Variants in KCNU1 observed in about 807,000 individuals in gnomAD.
KCNU1 encodes potassium channel subfamily U member 1.
In KCNU1, 93 loss-of-function variants were observed where a neutral mutation model predicts 126.8. That is an observed-to-expected ratio of 0.73 (90% CI 0.62 to 0.87). KCNU1 has a LOEUF of 0.87. KCNU1 is among the 40% of genes least tolerant of loss of function. KCNU1 has a pLI of 0.00. For synonymous variants in KCNU1, 523 were observed against 494.2 expected (o/e 1.06, Z -0.77); for missense variants, 1,330 against 1,367.1 (o/e 0.97, Z 0.43).
intron 15 of KCNU1, 146 bp downstream of exon 15, chr8:36,840,721 A>T: frequency 1.5e-6 from 1 of 685,712 alleles, no homozygotes; most frequent in Non-Finnish European, 2.5e-6. Context: ...TTAGAAGTTT[A>T]CAGTTGGGAT....
intron 24 of KCNU1, among the ~76,000 whole-genome samples, chr8:36,926,361 G>C (rs948302928): frequency 1.3e-5 from 2 of 152,058 alleles, no homozygotes; most frequent in African/African-American, 4.8e-5. Flanking sequence ...ATTTTAGAGG[G>C]CTCCTTCCCT....
At chr8:36,925,833 G>A (rs546193667) in intron 24 of KCNU1, among the ~76,000 whole-genome samples, 20 of 152,150 alleles carry the variant, frequency 1.3e-4, no homozygotes, top group Admixed American at 1.2e-3. Context: ...TTTATTCTCC[G>A]TATGTGCTGG....
At chr8:36,882,311 T>C (rs930746270) in intron 19 of KCNU1, among the ~76,000 whole-genome samples, 2 of 152,188 alleles carry the variant, frequency 1.3e-5, no homozygotes, top group Non-Finnish European at 2.9e-5. Flanking sequence ...TCCTTTTCAT[T>C]TGAGATCTCA....
chr8:36,831,973 A>C (rs558268568), intron 10 of KCNU1, among the ~76,000 whole-genome samples: 38 of 152,344 alleles, frequency 2.5e-4, no homozygotes, highest in African/African-American at 8.2e-4. Flanking sequence ...TCAGCTTTCT[A>C]CATATGGCTA....
chr8:36,847,822 T>C (rs1392018906), intron 18 of KCNU1, among the ~76,000 whole-genome samples: 1 of 152,224 alleles, frequency 6.6e-6, no homozygotes, highest in African/African-American at 2.4e-5. Flanking sequence ...TTTTTATAGA[T>C]ACACAGTAGT....
intron 19 of KCNU1, among the ~76,000 whole-genome samples, chr8:36,865,140 A>C (rs1805859351): frequency 6.6e-6 from 1 of 152,164 alleles, no homozygotes; most frequent in African/African-American, 2.4e-5. Flanking sequence ...GATGATTAAA[A>C]ACTGTGATTA....
intron 10 of KCNU1, among the ~76,000 whole-genome samples, chr8:36,826,212 T>C (rs1320113413): frequency 3.3e-5 from 5 of 151,588 alleles, no homozygotes; most frequent in Admixed American, 1.3e-4. Context: ...ATTTATTTTA[T>C]TTTATTTTAT....
chr8:36,836,366 G>T lies in KCNU1; in HGVS notation c.1365+1G>T, dbSNP rs754075360. The T allele has an allele frequency of 3.2e-6, 5 of 1,576,596 alleles. No homozygotes were observed. Among genetic ancestry groups the T allele is most frequent in the Admixed American group, 1.7e-5 (1 of 59,888 alleles). On this transcript the variant is annotated splice_donor_variant, in intron 13 of 26. Transcript: ENST00000399881. LOFTEE classifies it high-confidence loss of function. ...ACAGATACTGCAATCCCATAACAAG[G>T]TATAGTAACATTCTAGCATATTCCA...
rs144109450 is a variant in KCNU1, at chr8:36,836,831, C to A, written c.1404C>A (p.Thr468=). Residue 468 remains threonine (T), a synonymous_variant, in exon 14 of 27, where the codon ACC becomes ACA. Coordinates refer to ENST00000399881, the MANE Select transcript of KCNU1 (RefSeq NM_001031836.3). ...LPKIPSWNWD[T]GDNIICFAEL... is the part of the protein sequence containing the mutation. ...AGATTCCCAGCTGGAACTGGGACAC[C>A]GGAGACAACATCATCTGCTTTGCTG... 1.9e-6 allele frequency: 3 copies of A among 1,613,554 alleles called. No homozygotes were observed. Among genetic ancestry groups the A allele is most frequent in the African/African-American group, 2.7e-5 (2 of 74,880 alleles).
chr8:36,918,391 A>T (rs1304011917), intron 22 of KCNU1, among the ~76,000 whole-genome samples: 4 of 144,686 alleles, frequency 2.8e-5, no homozygotes, highest in South Asian at 2.2e-4. Flanking sequence ...AGATAAAAAT[A>T]AAAAAAAAAA....
intron 26 of KCNU1, 81 bp from the exon 27 acceptor site, chr8:36,935,434 G>A (rs1307991377): frequency 8.9e-7 from 1 of 1,118,834 alleles, no homozygotes; most frequent in Admixed American, 2.3e-5. Context: ...CCAGCAAAAT[G>A]ACCTCTTTAT....
At chr8:36,900,366 C>T (rs1347644453) in intron 19 of KCNU1, among the ~76,000 whole-genome samples, 1 of 152,036 alleles carries the variant, frequency 6.6e-6, no homozygotes, top group Non-Finnish European at 1.5e-5. Flanking sequence ...TTAAATTTCC[C>T]TCCAAGGTAA....
At chr8:36,888,402 CCA>C in intron 19 of KCNU1, 1 of 372,262 alleles carries the variant, frequency 2.7e-6, no homozygotes, top group Admixed American at 3.7e-5. Context: ...CCCCACAACA[CCA>C]CTCTGGCTGC....
Position 36,794,618 on chromosome 8 carries a change from C to T in KCNU1, c.315+7193C>T, listed in dbSNP as rs948484748. Among the ~76,000 whole-genome samples, 8 of 152,180 alleles carry T rather than the reference C, an allele frequency of 5.3e-5. No homozygotes were observed. The South Asian group carries it at 1.2e-3, about 24-fold the overall frequency. ...TTTTCTGGTACCCAGACTGCTTCCT[C>T]TTACCATCCAAAAGTCCATCCTGGC... On this transcript the variant is annotated intron_variant, in intron 2 of 26. Coordinates refer to ENST00000399881, the MANE Select transcript of KCNU1 (RefSeq NM_001031836.3).
chr8:36,809,070 T>A (rs997244649), intron 7 of KCNU1, among the ~76,000 whole-genome samples: 30 of 152,140 alleles, frequency 2.0e-4, no homozygotes, highest in African/African-American at 7.0e-4. Context: ...AGGTAAAATG[T>A]ATCACTATAT....
chr8:36,877,423 C>T (rs1036036582), intron 19 of KCNU1, among the ~76,000 whole-genome samples: 1 of 151,958 alleles, frequency 6.6e-6, no homozygotes, highest in Non-Finnish European at 1.5e-5. Context: ...GTGCCTCAGC[C>T]TCCCAAGTAG....
At chr8:36,880,116 G>A (rs1394278828) in intron 19 of KCNU1, among the ~76,000 whole-genome samples, 1 of 152,166 alleles carries the variant, frequency 6.6e-6, no homozygotes, top group Non-Finnish European at 1.5e-5. Context: ...ATAACATGCA[G>A]GACTGGATTA....
intron 21 of KCNU1, 61 bp downstream of exon 21, chr8:36,909,596 A>G: frequency 1.1e-6 from 1 of 939,324 alleles, no homozygotes. Context: ...TAGGACTAGA[A>G]TTAATAATGA....
intron 10 of KCNU1, 116 bp downstream of exon 10, chr8:36,817,876 T>C: frequency 1.8e-6 from 1 of 561,912 alleles, no homozygotes; most frequent in South Asian, 2.8e-5. Context: ...GTATTGATCA[T>C]AAACAAAACA....
Sources: gnomAD v4.1 joint callset for allele counts (sites outside exome capture counted in the v4.1 genomes callset) on GRCh38, gnomAD v4.1.1 for gene constraint, MANE v1.5 for transcripts, NCBI Gene and HGNC (gene_info 2026-07-23, HGNC 2026-07-21) for gene names.